The following SPTBN1 variants were observed in gnomAD, a reference collection of about 807,000 sequenced individuals.
SPTBN1 encodes the protein spectrin beta chain, non-erythrocytic 1.
SPTBN1 carries 32 observed loss-of-function variants against 266.4 expected under a neutral mutation model. The observed-to-expected ratio is 0.12, with a 90% CI of 0.09 to 0.16. The LOEUF is 0.16. Among genes scored for constraint, SPTBN1 ranks in the 10% least tolerant of loss-of-function variants. The pLI, the probability that SPTBN1 is intolerant of heterozygous loss-of-function variation, is 1.00. For synonymous variants in SPTBN1, 1,336 were observed against 1,162.2 expected, an observed-to-expected ratio of 1.15 and a Z score of -3.04; for missense variants, 2,296 against 3,067.1, an observed-to-expected ratio of 0.75 and a Z score of 5.94.
At chr2:54,595,888 T>A (rs1041177606) in intron 2 of SPTBN1, among the ~76,000 whole-genome samples, 3 of 152,192 alleles carry the variant, frequency 2.0e-5, no homozygotes, top group African/African-American at 7.2e-5. Flanking sequence ...CCATCAACAC[T>A]GTATGTAGAC....
At position 54,653,165 on chromosome 2, in the gene SPTBN1, A is replaced by T. The variant is rs938516736; in HGVS notation, c.5578-444A>T. ...GAGAACTCTTACAGGCGATACATAC[A>T]TTGTATTCACATAGCAATGAGAAGT... On this transcript the variant is annotated intron_variant, in intron 26 of 35. Transcript: ENST00000356805. The surrounding 1 kb of genome is among the most constrained non-coding windows in gnomAD (Gnocchi z 5.1). 2 of 157,106 alleles carry T rather than the reference A, an allele frequency of 1.3e-5. No homozygotes were observed. Among genetic ancestry groups the T allele is most frequent in the African/African-American group, 4.8e-5 (2 of 41,602 alleles). 9.7% of individuals were successfully genotyped at this position (157,106 alleles called of 1,614,324 possible).
At chr2:54,547,244 A>G (rs1672300782) in intron 2 of SPTBN1, among the ~76,000 whole-genome samples, 1 of 152,094 alleles carries the variant, frequency 6.6e-6, no homozygotes, top group Non-Finnish European at 1.5e-5. Flanking sequence ...TAACTGGCTT[A>G]TTTCATTTAA....
At chr2:54,507,254 A>G (rs1258443940) in intron 1 of SPTBN1, among the ~76,000 whole-genome samples, 9 of 152,252 alleles carry the variant, frequency 5.9e-5, no homozygotes, top group African/African-American at 2.2e-4. Context: ...CGTGCAGGTC[A>G]CTGGGGATAT....
At chr2:54,581,100 A>T (rs2104571488) in intron 2 of SPTBN1, among the ~76,000 whole-genome samples, 1 of 152,146 alleles carries the variant, frequency 6.6e-6, no homozygotes, top group South Asian at 2.1e-4. Context: ...TTAGTCTTAA[A>T]AAAAAAGAAA....
intron 1 of SPTBN1, among the ~76,000 whole-genome samples, chr2:54,469,669 C>T (rs1693816248): frequency 6.6e-6 from 1 of 152,150 alleles, no homozygotes; most frequent in South Asian, 2.1e-4. Flanking sequence ...CCAGAGTGGT[C>T]CCAGCGGCCT....
chr2:54,565,517 G>T (rs988404293), intron 2 of SPTBN1, among the ~76,000 whole-genome samples: 1 of 152,164 alleles, frequency 6.6e-6, no homozygotes, highest in Non-Finnish European at 1.5e-5. Context: ...TATAGAAAGA[G>T]ATATAAGTTT....
In SPTBN1 at chr2:54,479,156, G is replaced by A. The variant is rs551584012; in HGVS notation, c.-48+22638G>A. ...ATGTTTAAACATTTTCAGGCCCAGG[G>A]ATGTCAGTGAAGGCTGACTGCAGAG... On this transcript the variant is annotated intron_variant, in intron 1 of 35. Transcript: ENST00000356805. Among the ~76,000 whole-genome samples, 13 of 152,282 alleles carry A rather than the reference G, an allele frequency of 8.5e-5. No homozygotes were observed. In the South Asian group the frequency reaches 2.7e-3, roughly 32 times the overall value.
chr2:54,586,587 T>C (rs925905554), intron 2 of SPTBN1, among the ~76,000 whole-genome samples: 1 of 152,218 alleles, frequency 6.6e-6, no homozygotes, highest in African/African-American at 2.4e-5. Context: ...GGAGCTTCCA[T>C]AATTCATTCA....
Position 54,628,985 on chromosome 2 carries a change from G to A in SPTBN1, c.1851G>A (p.Glu617=), listed in dbSNP as rs763147179. ...TCCGAGACCGCGTGGCCCACATGGA[G>A]TTCTGTTATCAAGAGCTTTGCCAGC... ...QVIRDRVAHM[E]FCYQELCQLA... Residue 617 remains glutamate, a synonymous_variant, in exon 14 of 36, where the codon GAG becomes GAA. Transcript: ENST00000356805. This position sits in a 1 kb window ranked among gnomAD's most constrained non-coding sequence, Gnocchi z 4.3. 7.4e-6 allele frequency: 12 copies of A among 1,613,612 alleles called. No individual in the cohort carries two copies. The highest frequency in any genetic ancestry group is 8.5e-6 in the Non-Finnish European group (10 of 1,179,932).
At chr2:54,547,466 A>C (rs1490305664) in intron 2 of SPTBN1, among the ~76,000 whole-genome samples, 1 of 152,172 alleles carries the variant, frequency 6.6e-6, no homozygotes, top group East Asian at 1.9e-4. Flanking sequence ...GTTCTTTTGG[A>C]TATATATCCA....
intron 26 of SPTBN1, among the ~76,000 whole-genome samples, chr2:54,651,326 C>G (rs1194307970): frequency 1.3e-5 from 2 of 152,156 alleles, no homozygotes; most frequent in Non-Finnish European, 2.9e-5. Context: ...GGGTGGGAAT[C>G]TCGTCCCTCG....
At chr2:54,643,698 T>A (rs904831364) in intron 19 of SPTBN1, among the ~76,000 whole-genome samples, 1 of 152,112 alleles carries the variant, frequency 6.6e-6, no homozygotes, top group Non-Finnish European at 1.5e-5. Flanking sequence ...TAAAATAATG[T>A]GTTGGCAGGG....
intron 1 of SPTBN1, among the ~76,000 whole-genome samples, chr2:54,523,296 C>T (rs914304993): frequency 6.6e-6 from 1 of 152,164 alleles, no homozygotes; most frequent in African/African-American, 2.4e-5. Context: ...CGTGAATGTA[C>T]TTAATTGAGA....
At chr2:54,499,023 C>T (rs1669118039) in intron 1 of SPTBN1, among the ~76,000 whole-genome samples, 1 of 152,122 alleles carries the variant, frequency 6.6e-6, no homozygotes, top group Admixed American at 6.5e-5. Flanking sequence ...CTTCACCCTT[C>T]ACCTCCTGTT....
rs553928616 is a variant in SPTBN1 at position 54,658,119 on chromosome 2, G to C, written c.6243+73G>C. On this transcript the variant is annotated intron_variant, in intron 30 of 35. Coordinates refer to ENST00000356805, the MANE Select transcript of SPTBN1 (RefSeq NM_003128.3). ...TTCTTCCTGCTTGCCTCTTAGACCA[G>C]GGAATTCACACGATTGCTTGTTTTT... The C allele has an allele frequency of 5.2e-5, 82 of 1,566,294 alleles. No homozygotes were observed. The African/African-American group carries it at 8.1e-4, about 15-fold the overall frequency.
At chr2:54,659,903 T>C (rs1333417789) in intron 31 of SPTBN1, 33 bp from the exon 32 acceptor site, 1 of 1,606,402 alleles carries the variant, frequency 6.2e-7, no homozygotes, top group African/African-American at 1.3e-5. Flanking sequence ...TCTTCTTCCT[T>C]TCCCTTCCTC....
chr2:54,653,885 T>A lies in SPTBN1; in HGVS notation c.5822+32T>A. The A allele has an allele frequency of 6.3e-7, 1 of 1,595,274 alleles. No homozygotes were observed. Among genetic ancestry groups the A allele is most frequent in the Non-Finnish European group, 8.5e-7 (1 of 1,175,494 alleles). Reference sequence around the variant, plus strand: ...CTTTCAGCCCAAAGGAAATTGGACTTATTGGCGCTTGGTTAAAACACAGGA... The same window carrying A: ...CTTTCAGCCCAAAGGAAATTGGACTAATTGGCGCTTGGTTAAAACACAGGA... On this transcript the variant is annotated intron_variant, in intron 27 of 35. Transcript: ENST00000356805. The surrounding 1 kb of genome is among the most constrained non-coding windows in gnomAD (Gnocchi z 5.1).
At chr2:54,652,877 T>TC (rs991141536) in intron 26 of SPTBN1, 35 of 150,948 alleles carry the variant, frequency 2.3e-4, no homozygotes, top group African/African-American at 8.1e-4. Context: ...GGTTTTTTTC[T>TC]TTTCTTTCTT....
Position 54,626,334 on chromosome 2 carries a change from G to T in SPTBN1, c.1644+100G>T. ...ACCCCTACGTACAGCTGTGTGCCTT[G>T]TCTAACTGCCCACATGTACAGCTAG... On this transcript the variant is annotated intron_variant, in intron 12 of 35. Transcript: ENST00000356805. This position sits in a 1 kb window ranked among gnomAD's most constrained non-coding sequence, Gnocchi z 4.7. 1 of 1,390,326 alleles carries T rather than the reference G, an allele frequency of 7.2e-7. No individual in the cohort carries two copies. The allele number at this position is 1,390,326 out of a possible 1,614,324, so 86.1% of individuals were successfully genotyped here. A position where few individuals can be genotyped will look rare whatever the true frequency, so the allele number is the denominator to read the frequency against.
Sources: gnomAD v4.1 joint callset for allele counts (sites outside exome capture counted in the v4.1 genomes callset) on GRCh38, gnomAD v4.1.1 for gene constraint, Gnocchi (gnomAD v3.1) non-coding constraint, MANE v1.5 for transcripts, NCBI Gene and HGNC (gene_info 2026-07-23, HGNC 2026-07-21) for gene names.